Variants in CHST11 observed in about 807,000 individuals in gnomAD.
CHST11 encodes the protein carbohydrate sulfotransferase 11, also known as C4S-1.
CHST11 carries 9 observed loss-of-function variants against 30.4 expected under a neutral mutation model. The ratio of observed to expected loss-of-function variants is 0.30; its 90% CI spans 0.18 to 0.52. CHST11 has a LOEUF of 0.52. CHST11 is among the 20% of genes least tolerant of loss of function. The pLI is 0.97. For synonymous variants in CHST11, 152 were observed against 187.8 expected (o/e 0.81, Z 1.56); for missense variants, 348 against 460.6 (o/e 0.76, Z 2.24).
At chr12:104,642,803 ATT>A (rs11304826) in intron 2 of CHST11, among the ~76,000 whole-genome samples, 43 of 150,778 alleles carry the variant, frequency 2.9e-4, no homozygotes, top group African/African-American at 3.4e-4. Context: ...GGGGATTTAG[ATT>A]TTTTTTTTTA....
At chr12:104,613,184 G>GC (rs1361727462) in intron 2 of CHST11, among the ~76,000 whole-genome samples, 1 of 149,992 alleles carries the variant, frequency 6.7e-6, no homozygotes, top group African/African-American at 2.4e-5. Context: ...CCCCAGCTTG[G>GC]GGAGACCCTG....
chr12:104,497,555 T>C (rs1295057464), intron 1 of CHST11, among the ~76,000 whole-genome samples: 1 of 152,148 alleles, frequency 6.6e-6, no homozygotes, highest in Admixed American at 6.6e-5. Flanking sequence ...ACTCCTCTGA[T>C]GCTTAAGTAC....
chr12:104,540,857 G>C (rs1011207992), intron 1 of CHST11, among the ~76,000 whole-genome samples: 8 of 152,218 alleles, frequency 5.3e-5, no homozygotes, highest in African/African-American at 1.9e-4. Flanking sequence ...CTGATCGTGT[G>C]TGGATTGAAG....
chr12:104,481,436 T>A (rs1417351874), intron 1 of CHST11, among the ~76,000 whole-genome samples: 7 of 152,192 alleles, frequency 4.6e-5, no homozygotes, highest in Admixed American at 4.6e-4. Context: ...AAAAAAGTAA[T>A]CTACTGTCAT....
At chr12:104,532,786 G>A (rs2135995886) in intron 1 of CHST11, among the ~76,000 whole-genome samples, 1 of 152,114 alleles carries the variant, frequency 6.6e-6, no homozygotes. Context: ...ATCCTACAAT[G>A]CTCCTGAGCT....
At chr12:104,693,458 C>T (rs893227458) in intron 2 of CHST11, among the ~76,000 whole-genome samples, 1 of 152,168 alleles carries the variant, frequency 6.6e-6, no homozygotes, top group African/African-American at 2.4e-5. Context: ...TGTGCTGGGT[C>T]AACAGGCATA....
At chr12:104,725,598 A>G (rs772275280) in intron 2 of CHST11, among the ~76,000 whole-genome samples, 18 of 151,596 alleles carry the variant, frequency 1.2e-4, no homozygotes, top group African/African-American at 1.9e-4. Context: ...AATACTTGCA[A>G]TCGTGGGAAG....
intron 1 of CHST11, among the ~76,000 whole-genome samples, chr12:104,511,872 C>A (rs1157768066): frequency 6.6e-6 from 1 of 152,064 alleles, no homozygotes; most frequent in Non-Finnish European, 1.5e-5. Flanking sequence ...GGTTCCAGGA[C>A]CCCTCTCAAA....
intron 2 of CHST11, among the ~76,000 whole-genome samples, chr12:104,650,111 T>G (rs1441374222): frequency 6.6e-6 from 1 of 152,240 alleles, no homozygotes; most frequent in African/African-American, 2.4e-5. Flanking sequence ...TACTTTACAC[T>G]TGGTATTTTG....
At chr12:104,717,718 C>T (rs2040142288) in intron 2 of CHST11, among the ~76,000 whole-genome samples, 1 of 152,136 alleles carries the variant, frequency 6.6e-6, no homozygotes, top group Admixed American at 6.5e-5. Context: ...TTGCAGTGAG[C>T]CGATATCACG....
At chr12:104,538,843 C>T (rs1162783061) in intron 1 of CHST11, among the ~76,000 whole-genome samples, 1 of 152,106 alleles carries the variant, frequency 6.6e-6, no homozygotes, top group Non-Finnish European at 1.5e-5. Flanking sequence ...TAATTGAGGC[C>T]TAGAAGTTCC....
chr12:104,492,347 C>G (rs751722832), intron 1 of CHST11, among the ~76,000 whole-genome samples: 25 of 152,192 alleles, frequency 1.6e-4, no homozygotes, highest in Non-Finnish European at 3.5e-4. Context: ...CTGCCTGCCT[C>G]CACCTCCCAA....
intron 2 of CHST11, among the ~76,000 whole-genome samples, chr12:104,728,368 C>T (rs927939024): frequency 5.3e-5 from 8 of 151,984 alleles, no homozygotes; most frequent in Admixed American, 2.0e-4. Flanking sequence ...AGTCTGTGCA[C>T]ACACTTAGCA....
intron 2 of CHST11, among the ~76,000 whole-genome samples, chr12:104,719,880 A>G (rs796763496): frequency 2.6e-5 from 4 of 152,228 alleles, no homozygotes; most frequent in African/African-American, 9.6e-5. Context: ...AGCTGCTTCT[A>G]CGTAACAATC....
intron 2 of CHST11, among the ~76,000 whole-genome samples, chr12:104,723,742 G>A (rs929871091): frequency 6.6e-6 from 1 of 152,210 alleles, no homozygotes; most frequent in African/African-American, 2.4e-5. Context: ...CTGGAAAGGG[G>A]CTCTGTCGTA....
At chr12:104,520,727 G>C (rs2135987856) in intron 1 of CHST11, among the ~76,000 whole-genome samples, 1 of 152,296 alleles carries the variant, frequency 6.6e-6, no homozygotes, top group Non-Finnish European at 1.5e-5. Context: ...ATCTGTCCCA[G>C]GCTCACAGCA....
chr12:104,573,359 C>G (rs2038648944), intron 1 of CHST11, among the ~76,000 whole-genome samples: 1 of 152,126 alleles, frequency 6.6e-6, no homozygotes, highest in African/African-American at 2.4e-5. Flanking sequence ...GAAAAAACTA[C>G]TTTAAAGTTC....
chr12:104,472,141 CTTTTTTT>C (rs554866671), intron 1 of CHST11, among the ~76,000 whole-genome samples: 6 of 139,432 alleles, frequency 4.3e-5, no homozygotes, highest in African/African-American at 1.0e-4. Flanking sequence ...TTTTTTTTTT[CTTTTTTT>C]TTTTTTTGTA....
At chr12:104,657,184 C>T (rs2039552519) in intron 2 of CHST11, among the ~76,000 whole-genome samples, 1 of 152,198 alleles carries the variant, frequency 6.6e-6, no homozygotes, top group Admixed American at 6.5e-5. Flanking sequence ...ATCATATTTC[C>T]TGGTTTAGCA....
Sources: allele counts gnomAD v4.1 joint callset (sites outside exome capture counted in the v4.1 genomes callset), GRCh38; gene constraint gnomAD v4.1.1; transcripts MANE v1.5; gene names NCBI Gene and HGNC (gene_info 2026-07-23, HGNC 2026-07-21).